Variants in RAD51B observed in about 807,000 individuals in gnomAD.
The protein encoded by RAD51B is DNA repair protein RAD51 homolog 2.
Under a neutral mutation model 42.2 loss-of-function variants are expected in RAD51B, and 38 were observed. The ratio of observed to expected loss-of-function variants is 0.90; its 90% CI spans 0.70 to 1.18. RAD51B has a LOEUF of 1.18. Ranked by LOEUF, RAD51B falls within the 50% of genes most tolerant of loss-of-function variation. The pLI, the probability that RAD51B is intolerant of heterozygous loss-of-function variation, is 0.00. For missense variants in RAD51B, 373 were observed against 400.7 expected (o/e 0.93, Z 0.59); for synonymous variants, 154 against 145.2 (o/e 1.06, Z -0.43).
chr14:68,418,004 C>CT (rs757047662), intron 9 of RAD51B, among the ~76,000 whole-genome samples: 67 of 152,262 alleles, frequency 4.4e-4, no homozygotes, highest in Admixed American at 9.2e-4. Flanking sequence ...GAGAGTCAGT[C>CT]TTTCCTAGGA....
chr14:68,065,835 A>C (rs2076641252), intron 7 of RAD51B, among the ~76,000 whole-genome samples: 1 of 151,938 alleles, frequency 6.6e-6, no homozygotes, highest in South Asian at 2.1e-4. Context: ...GGTTATGTTT[A>C]GACATAATGC....
At chr14:68,129,345 G>A (rs1249921398) in intron 7 of RAD51B, among the ~76,000 whole-genome samples, 1 of 152,138 alleles carries the variant, frequency 6.6e-6, no homozygotes, top group Non-Finnish European at 1.5e-5. Context: ...TGACAACACA[G>A]CTAAAACTTA....
intron 4 of RAD51B, among the ~76,000 whole-genome samples, chr14:67,859,673 A>G (rs1238830502): frequency 6.6e-6 from 1 of 152,242 alleles, no homozygotes. Flanking sequence ...GAAAAATGTC[A>G]TTAAAATAAA....
intron 10 of RAD51B, among the ~76,000 whole-genome samples, chr14:68,550,139 C>T (rs1268984853): frequency 4.6e-5 from 7 of 152,230 alleles, no homozygotes; most frequent in South Asian, 2.1e-4. Context: ...GCACACGCTG[C>T]GCCGTGCTCC....
intron 7 of RAD51B, chr14:68,069,679 C>T (rs1375423471): frequency 6.6e-6 from 1 of 152,188 alleles, no homozygotes; most frequent in Non-Finnish European, 1.5e-5. Flanking sequence ...TTTGTCTAAT[C>T]TACCATTGCT....
At chr14:68,285,511 C>T (rs2081397262) in intron 7 of RAD51B, among the ~76,000 whole-genome samples, 1 of 152,338 alleles carries the variant, frequency 6.6e-6, no homozygotes. Flanking sequence ...CACCCACATT[C>T]TCTTCTTGCG....
At chr14:68,475,835 T>C (rs543767144) in intron 10 of RAD51B, among the ~76,000 whole-genome samples, 1 of 152,316 alleles carries the variant, frequency 6.6e-6, no homozygotes, top group African/African-American at 2.4e-5. Context: ...AGTTAACAAT[T>C]TGCATTTGCA....
chr14:68,477,152 C>G (rs955346229), intron 10 of RAD51B, among the ~76,000 whole-genome samples: 2 of 152,228 alleles, frequency 1.3e-5, no homozygotes, highest in African/African-American at 2.4e-5. Flanking sequence ...TTTTGGTCAG[C>G]CGCGTCCCTA....
intron 10 of RAD51B, among the ~76,000 whole-genome samples, chr14:68,576,747 C>T (rs1017089979): frequency 2.0e-5 from 3 of 152,102 alleles, no homozygotes; most frequent in Non-Finnish European, 4.4e-5. Context: ...TTTGGACTCA[C>T]GCAGGGGCAT....
At chr14:68,273,979 G>A (rs1245918270) in intron 7 of RAD51B, among the ~76,000 whole-genome samples, 3 of 151,920 alleles carry the variant, frequency 2.0e-5, no homozygotes, top group Non-Finnish European at 4.4e-5. Context: ...TCTAGTAATA[G>A]TATAGATTTG....
chr14:68,234,260 A>G (rs2140988042), intron 7 of RAD51B, among the ~76,000 whole-genome samples: 1 of 152,322 alleles, frequency 6.6e-6, no homozygotes, highest in East Asian at 1.9e-4. Context: ...GCCTTGGGGA[A>G]TGATGAGGTC....
At chr14:68,391,050 A>C (rs1450477067) in intron 8 of RAD51B, among the ~76,000 whole-genome samples, 3 of 152,172 alleles carry the variant, frequency 2.0e-5, no homozygotes, top group Non-Finnish European at 2.9e-5. Flanking sequence ...TCTTTTGGAG[A>C]ATTCAAAAGT....
downstream of RAD51B, among the ~76,000 whole-genome samples, chr14:68,597,549 C>T (rs947029507): frequency 5.3e-5 from 8 of 152,050 alleles, no homozygotes; most frequent in African/African-American, 1.9e-4. Flanking sequence ...GAACAGAAAA[C>T]CAAATACCAC....
intron 7 of RAD51B, among the ~76,000 whole-genome samples, chr14:67,975,712 G>C (rs2074980077): frequency 6.6e-6 from 1 of 152,226 alleles, no homozygotes; most frequent in South Asian, 2.1e-4. Context: ...TGCCTTATTT[G>C]AACGTAGTTT....
At chr14:68,388,462 CTTAG>C (rs2083658382) in intron 8 of RAD51B, among the ~76,000 whole-genome samples, 2 of 152,036 alleles carry the variant, frequency 1.3e-5, no homozygotes, top group Non-Finnish European at 2.9e-5. Flanking sequence ...CTTCCCATGC[CTTAG>C]TTAGCCTGAT....
chr14:67,829,081 G>T (rs2040936101), intron 3 of RAD51B, among the ~76,000 whole-genome samples: 2 of 152,056 alleles, frequency 1.3e-5, no homozygotes, highest in African/African-American at 4.8e-5. Context: ...GGGCAATATG[G>T]CCATTTTCAT....
intron 7 of RAD51B, among the ~76,000 whole-genome samples, chr14:67,917,348 G>A (rs1026434270): frequency 1.3e-5 from 2 of 152,176 alleles, no homozygotes; most frequent in South Asian, 2.1e-4. Flanking sequence ...GGTGGATGGC[G>A]AAGTGGGAGC....
At chr14:67,905,698 G>C (rs1175121173) in intron 7 of RAD51B, among the ~76,000 whole-genome samples, 1 of 152,002 alleles carries the variant, frequency 6.6e-6, no homozygotes, top group Non-Finnish European at 1.5e-5. Context: ...TTGCATTATT[G>C]ATTTGACTCT....
chr14:68,069,528 A>G (rs1374192905), intron 7 of RAD51B: 1 of 152,190 alleles, frequency 6.6e-6, no homozygotes, highest in Admixed American at 6.5e-5. Context: ...ATAAGTGAGA[A>G]CATGCAGAAC....
Sources: allele counts gnomAD v4.1 joint callset (sites outside exome capture counted in the v4.1 genomes callset), GRCh38; gene constraint gnomAD v4.1.1; transcripts MANE v1.5; gene names NCBI Gene and HGNC (gene_info 2026-07-23, HGNC 2026-07-21).